Variants in RANBP17 observed in about 807,000 individuals in gnomAD.
RANBP17 encodes ran-binding protein 17.
In RANBP17, 158 loss-of-function variants were observed where a neutral mutation model predicts 141.2. The observed-to-expected ratio is 1.12, with a 90% CI of 0.98 to 1.28. The LOEUF (loss-of-function observed/expected upper bound fraction) is 1.28. RANBP17 is among the 50% of genes most tolerant of loss of function. The pLI, the probability that RANBP17 is intolerant of heterozygous loss-of-function variation, is 0.00. For synonymous variants in RANBP17, 430 were observed against 450.0 expected, an observed-to-expected ratio of 0.96 and a Z score of 0.56; for missense variants, 1,438 against 1,290.7, an observed-to-expected ratio of 1.11 and a Z score of -1.75.
chr5:171,271,071 A>ATTTCTTTTTTTTTTTT (rs1767075095), intron 25 of RANBP17: 1 of 24,198 alleles, frequency 4.1e-5, no homozygotes, highest in Non-Finnish European at 7.6e-5. Flanking sequence ...TTTTTATGTT[A>ATTTCTTTTTTTTTTTT]TTTCTTTTTT....
intron 14 of RANBP17, among the ~76,000 whole-genome samples, chr5:171,119,434 G>A (rs1014550697): frequency 6.6e-6 from 1 of 152,088 alleles, no homozygotes; most frequent in African/African-American, 2.4e-5. Context: ...AGCTTGAGAA[G>A]ACTTGGTATT....
intron 14 of RANBP17, among the ~76,000 whole-genome samples, chr5:171,073,378 C>T (rs1293761698): frequency 6.6e-6 from 1 of 152,030 alleles, no homozygotes; most frequent in African/African-American, 2.4e-5. Context: ...AAATTTGTTT[C>T]TTACAGGTAC....
intron 14 of RANBP17, among the ~76,000 whole-genome samples, chr5:171,119,738 C>G (rs1415642256): frequency 6.6e-6 from 1 of 152,132 alleles, no homozygotes; most frequent in East Asian, 1.9e-4. Context: ...TTTGCAGATG[C>G]TTAAAAAGAG....
At chr5:171,006,090 G>C (rs1474271868) in intron 14 of RANBP17, among the ~76,000 whole-genome samples, 1 of 152,104 alleles carries the variant, frequency 6.6e-6, no homozygotes, top group African/African-American at 2.4e-5. Context: ...AAAAAGTCAG[G>C]AAACAACAGG....
chr5:170,923,044 T>A (rs188109755), intron 11 of RANBP17, among the ~76,000 whole-genome samples: 1 of 152,294 alleles, frequency 6.6e-6, no homozygotes, highest in East Asian at 1.9e-4. Flanking sequence ...TTTTCTTTTA[T>A]GTATTATGTT....
At chr5:171,041,751 T>G (rs1342697572) in intron 14 of RANBP17, among the ~76,000 whole-genome samples, 5 of 152,134 alleles carry the variant, frequency 3.3e-5, no homozygotes, top group Non-Finnish European at 7.3e-5. Context: ...TTTAATATTA[T>G]TTTAAGTTCT....
intron 25 of RANBP17, among the ~76,000 whole-genome samples, chr5:171,291,087 A>G (rs1232871374): frequency 6.6e-6 from 1 of 152,202 alleles, no homozygotes; most frequent in Non-Finnish European, 1.5e-5. Context: ...GCTTTACCAT[A>G]CCACGTTGGT....
chr5:170,904,312 C>T (rs920932646), intron 5 of RANBP17: 1 of 253,890 alleles, frequency 3.9e-6, no homozygotes, highest in Non-Finnish European at 8.0e-6. Context: ...ACCTTCATCA[C>T]TGTCTACAAG....
At chr5:170,962,480 G>C (rs1776224394) in intron 13 of RANBP17, among the ~76,000 whole-genome samples, 2 of 152,294 alleles carry the variant, frequency 1.3e-5, no homozygotes, top group Non-Finnish European at 1.5e-5. Context: ...TAGGAGAAGG[G>C]AGATCCTATG....
At chr5:170,927,511 C>T (rs1392703930) in intron 12 of RANBP17, among the ~76,000 whole-genome samples, 4 of 151,760 alleles carry the variant, frequency 2.6e-5, no homozygotes, top group African/African-American at 9.7e-5. Context: ...AGCCATTTGG[C>T]CTTTTTTTTT....
intron 14 of RANBP17, among the ~76,000 whole-genome samples, chr5:171,152,664 T>C (rs968046452): frequency 2.0e-5 from 3 of 152,184 alleles, no homozygotes; most frequent in Admixed American, 2.0e-4. Context: ...ACTCCCATTT[T>C]TAACTTGGAT....
At chr5:170,862,887 T>G (rs563896456) in intron 1 of RANBP17, among the ~76,000 whole-genome samples, 1 of 152,144 alleles carries the variant, frequency 6.6e-6, no homozygotes, top group Non-Finnish European at 1.5e-5. Context: ...AAGTGAAAAA[T>G]GTATGGTAGA....
chr5:171,007,422 C>T (rs910141572), intron 14 of RANBP17, among the ~76,000 whole-genome samples: 1 of 151,930 alleles, frequency 6.6e-6, no homozygotes, highest in East Asian at 1.9e-4. Flanking sequence ...AGAGTTGGAG[C>T]CTGATTCAGC....
At chr5:171,260,437 T>C (rs1349192421) in intron 24 of RANBP17, among the ~76,000 whole-genome samples, 6 of 134,872 alleles carry the variant, frequency 4.4e-5, no homozygotes, top group Non-Finnish European at 1.5e-5. Context: ...CACTTCACCC[T>C]GGGCAACAGA....
intron 18 of RANBP17, among the ~76,000 whole-genome samples, chr5:171,187,410 C>T (rs958795728): frequency 4.0e-5 from 6 of 150,962 alleles, no homozygotes; most frequent in South Asian, 2.1e-4. Context: ...TAGAATTGTT[C>T]GACTCAGGTT....
chr5:170,932,019 T>C lies in RANBP17; in HGVS notation c.1468+7469T>C, dbSNP rs377536161. On this transcript the variant is annotated intron_variant, in intron 12 of 27. Coordinates refer to ENST00000523189, the MANE Select transcript of RANBP17 (RefSeq NM_022897.5). ...GGGCAGTATGGCCATTTTCATGATA[T>C]TGATTCTTCCTATCCATGAGCATGG... Among the ~76,000 whole-genome samples the C allele has an allele frequency of 1.1e-4, 16 of 152,328 alleles. No individual in the cohort carries two copies. The East Asian group carries it at 1.5e-3, about 15-fold the overall frequency.
rs570841365 is a variant in RANBP17, at chr5:171,078,329, A to AT, written c.1711-91795dup. Among the ~76,000 whole-genome samples the AT allele has an allele frequency of 1.8e-3, 268 of 151,976 alleles. 1 individual carries two copies. The highest frequency in any genetic ancestry group is 6.3e-3 in the African/African-American group (262 of 41,454). ...AGGCACCTGCCACCACGCCCAGCTA[A>AT]TTTTTTGGTAGAGACGGAGTTTCAC... On this transcript the variant is annotated intron_variant, in intron 14 of 27. Coordinates refer to ENST00000523189, the MANE Select transcript of RANBP17 (RefSeq NM_022897.5).
chr5:171,063,482 G>A (rs574093349), intron 14 of RANBP17, among the ~76,000 whole-genome samples: 3 of 152,264 alleles, frequency 2.0e-5, no homozygotes, highest in East Asian at 1.9e-4. Context: ...GCAGATTTTC[G>A]TGAACCGCGA....
intron 12 of RANBP17, among the ~76,000 whole-genome samples, chr5:170,934,999 T>A (rs2127464437): frequency 6.6e-6 from 1 of 152,322 alleles, no homozygotes; most frequent in Non-Finnish European, 1.5e-5. Flanking sequence ...AGACTTTTGT[T>A]CATTTCTTTT....
Sources: allele counts gnomAD v4.1 joint callset (sites outside exome capture counted in the v4.1 genomes callset), GRCh38; gene constraint gnomAD v4.1.1; transcripts MANE v1.5; gene names NCBI Gene and HGNC (gene_info 2026-07-23, HGNC 2026-07-21).